RANBP17: variants seen among roughly 807,000 people sequenced by gnomAD.
The protein encoded by RANBP17 is RAN binding protein 17, also known as ran-binding protein 17.
In RANBP17, 158 loss-of-function variants were observed where a neutral mutation model predicts 141.2. The observed-to-expected ratio is 1.12, with a 90% CI of 0.98 to 1.28. The LOEUF (loss-of-function observed/expected upper bound fraction) is 1.28, where lower values mean the gene tolerates loss of function less well. RANBP17 is among the 50% of genes most tolerant of loss of function. RANBP17 has a pLI of 0.00. For synonymous variants in RANBP17, 430 were observed against 450.0 expected, an observed-to-expected ratio of 0.96 and a Z score of 0.56; for missense variants, 1,438 against 1,290.7, an observed-to-expected ratio of 1.11 and a Z score of -1.75.
chr5:171,133,936 C>T (rs914350594), intron 14 of RANBP17, among the ~76,000 whole-genome samples: 12 of 152,146 alleles, frequency 7.9e-5, no homozygotes, highest in Non-Finnish European at 1.5e-4. Flanking sequence ...TTTATTTGCA[C>T]ATTTGGATCA....
At chr5:171,049,119 T>C (rs1782786050) in intron 14 of RANBP17, among the ~76,000 whole-genome samples, 1 of 152,256 alleles carries the variant, frequency 6.6e-6, no homozygotes, top group African/African-American at 2.4e-5. Context: ...CATTCCCTTT[T>C]CTCTGCAACT....
intron 18 of RANBP17, 71 bp from the exon 19 acceptor site, chr5:171,199,599 C>T: frequency 1.2e-6 from 1 of 843,264 alleles, no homozygotes; most frequent in Non-Finnish European, 1.9e-6. Context: ...CTAAATGAAG[C>T]ACTCAATGCT....
At chr5:171,219,637 A>G (rs542451432) in intron 21 of RANBP17, among the ~76,000 whole-genome samples, 1 of 151,668 alleles carries the variant, frequency 6.6e-6, no homozygotes, top group Admixed American at 6.6e-5. Flanking sequence ...TATTTCATTA[A>G]GTTGATCTTC....
At chr5:171,084,146 A>G (rs866929397) in intron 14 of RANBP17, among the ~76,000 whole-genome samples, 29 of 130,252 alleles carry the variant, frequency 2.2e-4, no homozygotes, top group Middle Eastern at 9.2e-3. Context: ...AGAGTGTGAT[A>G]TTCCCCTTCC....
intron 12 of RANBP17, among the ~76,000 whole-genome samples, chr5:170,946,392 T>C (rs1774764514): frequency 6.6e-6 from 1 of 152,252 alleles, no homozygotes; most frequent in African/African-American, 2.4e-5. Flanking sequence ...CCAAAAGTCA[T>C]GCTTGCAATG....
At chr5:171,182,643 AT>A (rs1760938020) in intron 16 of RANBP17, among the ~76,000 whole-genome samples, 1 of 152,244 alleles carries the variant, frequency 6.6e-6, no homozygotes, top group South Asian at 2.1e-4. Flanking sequence ...CTTGAGAAAT[AT>A]TAGTTCCTTT....
At chr5:171,200,766 G>C (rs1196252063) in intron 19 of RANBP17, among the ~76,000 whole-genome samples, 1 of 152,148 alleles carries the variant, frequency 6.6e-6, no homozygotes, top group African/African-American at 2.4e-5. Context: ...TTATCTTTAT[G>C]TAATTCTTCT....
intron 14 of RANBP17, among the ~76,000 whole-genome samples, chr5:171,094,787 T>C (rs996997554): frequency 5.3e-5 from 8 of 152,204 alleles, no homozygotes; most frequent in South Asian, 2.1e-4. Flanking sequence ...TGCTATCTAA[T>C]TGCCAGTCTT....
At chr5:171,159,783 C>G (rs1391738237) in intron 14 of RANBP17, among the ~76,000 whole-genome samples, 2 of 151,520 alleles carry the variant, frequency 1.3e-5, no homozygotes, top group African/African-American at 4.9e-5. Context: ...CTTAGCTGGG[C>G]GTGGTGGCAG....
chr5:171,116,064 G>A (rs1283112617), intron 14 of RANBP17, among the ~76,000 whole-genome samples: 1 of 152,124 alleles, frequency 6.6e-6, no homozygotes, highest in Admixed American at 6.5e-5. Context: ...ATAATGATGA[G>A]TTTTACTAAC....
chr5:171,036,488 T>C (rs973175428), intron 14 of RANBP17, among the ~76,000 whole-genome samples: 8 of 152,296 alleles, frequency 5.3e-5, no homozygotes, highest in Non-Finnish European at 1.2e-4. Context: ...GGGGTACATA[T>C]GCAGGTTTAT....
intron 14 of RANBP17, among the ~76,000 whole-genome samples, chr5:171,031,839 A>G (rs1239479002): frequency 6.6e-6 from 1 of 151,936 alleles, no homozygotes; most frequent in African/African-American, 2.4e-5. Flanking sequence ...TATTATCTCT[A>G]CCATACCTTC....
At position 171,293,357 on chromosome 5, in the gene RANBP17, G is replaced by A. The variant is rs144860625; in HGVS notation, c.2944-526G>A. Reference sequence around the variant, plus strand: ...TGTAGGAATGAATGAGTGAGTGAGGGAATTAGTGAACGAAGAGTGAAGAGA... The same window carrying A: ...TGTAGGAATGAATGAGTGAGTGAGGAAATTAGTGAACGAAGAGTGAAGAGA... On this transcript the variant is annotated intron_variant, in intron 25 of 27. Coordinates refer to ENST00000523189, the MANE Select transcript of RANBP17 (RefSeq NM_022897.5). Among the ~76,000 whole-genome samples, 819 of 152,328 alleles carry A rather than the reference G, an allele frequency of 5.4e-3. 8 individuals are homozygous for A. The highest frequency in any genetic ancestry group is 0.019 in the African/African-American group (780 of 41,566).
In RANBP17 at chr5:171,277,637, G is replaced by GTGTGTGTATATATATATA. The variant is rs1437482589; in HGVS notation, c.2943+11791_2943+11792insGTGTGTATATATATATAT. Among the ~76,000 whole-genome samples the GTGTGTGTATATATATATA allele has an allele frequency of 5.6e-4, 32 of 56,920 alleles. 1 individual carries two copies. The South Asian group carries it at 0.017, about 30-fold the overall frequency. 37.3% of individuals were successfully genotyped at this position (56,920 alleles called of 152,430 possible). ...GTGCCTTACGTATACATATATGTAT[G>GTGTGTGTATATATATATA]TATATATATATATATATATATATAT... On this transcript the variant is annotated intron_variant, in intron 25 of 27. Transcript: ENST00000523189.
intron 14 of RANBP17, among the ~76,000 whole-genome samples, chr5:171,004,592 C>T (rs1779450318): frequency 6.6e-6 from 1 of 152,138 alleles, no homozygotes; most frequent in Non-Finnish European, 1.5e-5. Context: ...TAAGAGTTAC[C>T]TGAAGCTCAG....
chr5:171,246,471 A>G (rs1765224649), intron 24 of RANBP17, among the ~76,000 whole-genome samples: 1 of 152,228 alleles, frequency 6.6e-6, no homozygotes, highest in South Asian at 2.1e-4. Context: ...CTTGTTGTAC[A>G]ATAATTGAAA....
Position 171,293,978 on chromosome 5 carries a change from G to GC in RANBP17, c.3039_3040insC (p.Lys1014GlnfsTer5). 1 of 1,610,978 alleles carries GC rather than the reference G, an allele frequency of 6.2e-7. No homozygotes were observed. The highest frequency in any genetic ancestry group is 8.5e-7 in the Non-Finnish European group (1 of 1,177,234). ...TCCTGGGGCTCATCCTGCTCAATGA[G>GC]AAGGTGAGTGTGATTGCAGGAAGTC... On this transcript the variant is annotated frameshift_variant, in exon 26 of 28. Transcript: ENST00000523189. LOFTEE classifies it high-confidence loss of function.
intron 24 of RANBP17, among the ~76,000 whole-genome samples, chr5:171,265,223 G>T (rs1051177089): frequency 6.6e-6 from 1 of 152,156 alleles, no homozygotes; most frequent in Non-Finnish European, 1.5e-5. Flanking sequence ...ATAGACACTG[G>T]GTTCAAAGAG....
At chr5:171,081,311 A>T (rs75672667) in intron 14 of RANBP17, among the ~76,000 whole-genome samples, 1 of 152,150 alleles carries the variant, frequency 6.6e-6, no homozygotes, top group East Asian at 1.9e-4. Context: ...TAAGAGCTAC[A>T]TCATGGTCAT....
Sources: allele counts gnomAD v4.1 joint callset (sites outside exome capture counted in the v4.1 genomes callset), GRCh38; gene constraint gnomAD v4.1.1; transcripts MANE v1.5; gene names NCBI Gene and HGNC (gene_info 2026-07-23, HGNC 2026-07-21).